The following DPP10 variants were observed in gnomAD, a reference collection of about 807,000 sequenced individuals.
DPP10 encodes dipeptidyl peptidase like 10, also known as inactive dipeptidyl peptidase 10.
In DPP10, 33 loss-of-function variants were observed where a neutral mutation model predicts 120.9. The observed-to-expected ratio is 0.27, with a 90% confidence interval of 0.21 to 0.37. DPP10 has a LOEUF of 0.37. Among genes scored for constraint, DPP10 ranks in the 10% least tolerant of loss-of-function variants. DPP10 has a pLI of 1.00. For synonymous variants in DPP10, 337 were observed against 326.1 expected (o/e 1.03, Z -0.36); for missense variants, 816 against 942.8 (o/e 0.87, Z 1.76).
At chr2:115,329,512 G>C (rs1480201360) in intron 2 of DPP10, among the ~76,000 whole-genome samples, 1 of 152,018 alleles carries the variant, frequency 6.6e-6, no homozygotes, top group Admixed American at 6.6e-5. Flanking sequence ...ATGTATACAT[G>C]TGCCATGTTG....
At chr2:114,844,052 T>C (rs1281429801) in intron 1 of DPP10, among the ~76,000 whole-genome samples, 1 of 152,150 alleles carries the variant, frequency 6.6e-6, no homozygotes, top group Admixed American at 6.6e-5. Context: ...TCATTCCTCT[T>C]GGAATTCTTA....
intron 1 of DPP10, among the ~76,000 whole-genome samples, chr2:115,265,595 G>T (rs1451466130): frequency 6.6e-6 from 1 of 151,850 alleles, no homozygotes; most frequent in East Asian, 1.9e-4. Context: ...ATTTCATTGG[G>T]GGTGAGTGTT....
chr2:115,169,964 G>C (rs2053194884), intron 1 of DPP10, among the ~76,000 whole-genome samples: 1 of 152,092 alleles, frequency 6.6e-6, no homozygotes, highest in African/African-American at 2.4e-5. Flanking sequence ...TATTCCATCT[G>C]AGAAAGTCTG....
At chr2:115,729,684 A>G (rs1372435061) in intron 8 of DPP10, among the ~76,000 whole-genome samples, 1 of 152,132 alleles carries the variant, frequency 6.6e-6, no homozygotes, top group Non-Finnish European at 1.5e-5. Flanking sequence ...TTAATGAGAG[A>G]GGATTGCTTG....
chr2:115,544,729 G>A (rs1267005404), intron 5 of DPP10, among the ~76,000 whole-genome samples: 1 of 152,000 alleles, frequency 6.6e-6, no homozygotes, highest in African/African-American at 2.4e-5. Context: ...ATAACATATG[G>A]CATTCAAGCA....
intron 1 of DPP10, among the ~76,000 whole-genome samples, chr2:114,718,357 C>T (rs1177176607): frequency 6.7e-6 from 1 of 148,854 alleles, no homozygotes; most frequent in Non-Finnish European, 1.5e-5. Context: ...GCTGAGATCA[C>T]CCCACTGCAC....
At chr2:115,067,634 C>G (rs968879416) in intron 1 of DPP10, among the ~76,000 whole-genome samples, 16 of 146,122 alleles carry the variant, frequency 1.1e-4, no homozygotes, top group Non-Finnish European at 2.3e-4. Context: ...GAAGTCGAGG[C>G]AGGGGGATCA....
At chr2:115,782,443 T>C in intron 17 of DPP10, 44 bp downstream of exon 17, 1 of 1,547,304 alleles carries the variant, frequency 6.5e-7, no homozygotes, top group Non-Finnish European at 8.9e-7. Flanking sequence ...TGGTTGGCAT[T>C]AGTCTTAGAC....
chr2:115,456,247 A>G (rs1026101716), intron 3 of DPP10, among the ~76,000 whole-genome samples: 1 of 152,202 alleles, frequency 6.6e-6, no homozygotes, highest in Non-Finnish European at 1.5e-5. Flanking sequence ...ATGCAAATCA[A>G]AACCACAATT....
chr2:115,416,874 G>A (rs147893700), intron 3 of DPP10, among the ~76,000 whole-genome samples: 35 of 152,272 alleles, frequency 2.3e-4, no homozygotes, highest in African/African-American at 7.7e-4. Flanking sequence ...TGAAATTTCT[G>A]AGAAGATTAA....
intron 1 of DPP10, among the ~76,000 whole-genome samples, chr2:114,655,243 T>C (rs552885331): frequency 2.6e-5 from 4 of 152,268 alleles, no homozygotes; most frequent in East Asian, 3.9e-4. Flanking sequence ...AACTGGAGGG[T>C]TCAAACAAAC....
At chr2:115,064,140 CT>C (rs200198783) in intron 1 of DPP10, among the ~76,000 whole-genome samples, 5 of 151,422 alleles carry the variant, frequency 3.3e-5, no homozygotes, top group African/African-American at 9.7e-5. Context: ...TCTCTTCTTT[CT>C]TTTTTTTTCT....
chr2:114,762,569 T>A (rs976713731), intron 1 of DPP10, among the ~76,000 whole-genome samples: 2 of 152,076 alleles, frequency 1.3e-5, no homozygotes, highest in African/African-American at 4.8e-5. Flanking sequence ...ACACAGAAAA[T>A]GATAAACAAA....
In DPP10 at chr2:114,529,119, C is replaced by T. The variant is rs1363337149; in HGVS notation, c.60+86281C>T. ...TCAGCTCTTCTGGTTGCTACTGCCC[C>T]TACCTGCCAGGCTTTGGTAAACTGC... is the stretch of plus-strand genomic sequence containing the variant. On this transcript the variant is annotated intron_variant, in intron 1 of 25. Transcript: ENST00000410059. Among the ~76,000 whole-genome samples, 4 of 152,098 alleles carry T rather than the reference C, an allele frequency of 2.6e-5. 1 individual carries two copies. The highest frequency in any genetic ancestry group is 4.1e-4 in the South Asian group (2 of 4,828).
chr2:114,942,153 G>C (rs1696950714), intron 1 of DPP10, among the ~76,000 whole-genome samples: 1 of 150,712 alleles, frequency 6.6e-6, no homozygotes, highest in African/African-American at 2.4e-5. Context: ...GGTGCCTATA[G>C]TCCCAGCTAC....
At chr2:115,286,526 A>ATATAT (rs10675008) in intron 1 of DPP10, among the ~76,000 whole-genome samples, 1,548 of 60,826 alleles carry the variant, frequency 0.025, 142 homozygotes, top group Middle Eastern at 0.056. Flanking sequence ...ATATATATAT[A>ATATAT]ATATATATAT....
At chr2:115,760,092 A>G (rs990279612) in intron 11 of DPP10, among the ~76,000 whole-genome samples, 2 of 152,100 alleles carry the variant, frequency 1.3e-5, no homozygotes, top group African/African-American at 4.8e-5. Context: ...AAATGAAAAC[A>G]TGTGTTCACC....
At chr2:114,841,203 C>A (rs1688130237) in intron 1 of DPP10, among the ~76,000 whole-genome samples, 1 of 152,136 alleles carries the variant, frequency 6.6e-6, no homozygotes, top group Non-Finnish European at 1.5e-5. Context: ...TGTCGTATGA[C>A]TAAATTAAAG....
At chr2:115,702,225 T>C (rs2091920766) in intron 7 of DPP10, among the ~76,000 whole-genome samples, 1 of 151,966 alleles carries the variant, frequency 6.6e-6, no homozygotes, top group Non-Finnish European at 1.5e-5. Flanking sequence ...AAGAAGTCCA[T>C]CTCTAACCCT....
Sources: gnomAD v4.1 joint callset for allele counts (sites outside exome capture counted in the v4.1 genomes callset) on GRCh38, gnomAD v4.1.1 for gene constraint, MANE v1.5 for transcripts, NCBI Gene and HGNC (gene_info 2026-07-23, HGNC 2026-07-21) for gene names.